CSMD3: variants seen among roughly 807,000 people sequenced by gnomAD.
CSMD3 encodes CUB and sushi domain-containing protein 3.
In CSMD3, 177 loss-of-function variants were observed where a neutral mutation model predicts 435.2. That is an observed-to-expected ratio of 0.41 (90% CI 0.36 to 0.46). The LOEUF (loss-of-function observed/expected upper bound fraction) is 0.46, where lower values mean the gene tolerates loss of function less well. Among genes scored for constraint, CSMD3 ranks in the 20% least tolerant of loss-of-function variants. The pLI is 0.34. For synonymous variants in CSMD3, 1,656 were observed against 1,520.5 expected (o/e 1.09, Z -2.07); for missense variants, 4,265 against 4,504.6 (o/e 0.95, Z 1.52).
intron 42 of CSMD3, among the ~76,000 whole-genome samples, chr8:112,340,596 T>C (rs182353647): frequency 4.6e-5 from 7 of 152,214 alleles, no homozygotes; most frequent in African/African-American, 1.2e-4. Flanking sequence ...AGAGATGTAA[T>C]AACATTTTAG....
intron 27 of CSMD3, among the ~76,000 whole-genome samples, chr8:112,524,490 G>T (rs889637899): frequency 1.3e-5 from 2 of 151,994 alleles, no homozygotes; most frequent in African/African-American, 4.8e-5. Context: ...CCAAGTACCA[G>T]GTACCGTGCC....
At chr8:112,420,428 T>A (rs1006853634) in intron 32 of CSMD3, among the ~76,000 whole-genome samples, 1 of 152,204 alleles carries the variant, frequency 6.6e-6, no homozygotes, top group Admixed American at 6.5e-5. Context: ...ATAATTTCTT[T>A]ATTTCATCAA....
chr8:112,712,910 T>C (rs1563883451), intron 13 of CSMD3, among the ~76,000 whole-genome samples: 1 of 152,084 alleles, frequency 6.6e-6, no homozygotes, highest in Non-Finnish European at 1.5e-5. Flanking sequence ...TTGGGGAAGC[T>C]GGTTATTAGT....
rs570148866 is a variant in CSMD3, at chr8:112,561,837, C to T, written c.4043-4883G>A. On this transcript the variant is annotated intron_variant, in intron 24 of 70. Transcript: ENST00000297405. ...AAAAATTCTGTGGCTTCATTTATTG[C>T]CTGGTATTGCGTTTTATCTTTATAA... Among the ~76,000 whole-genome samples, 153 of 151,504 alleles carry T rather than the reference C, an allele frequency of 1.0e-3. 2 individuals are homozygous for T. Among genetic ancestry groups the T allele is most frequent in the Non-Finnish European group, 7.8e-4 (53 of 67,694 alleles).
intron 32 of CSMD3, 98 bp downstream of exon 32, chr8:112,472,493 G>T: frequency 1.3e-6 from 1 of 773,040 alleles, no homozygotes; most frequent in Admixed American, 1.7e-5. Context: ...ATACTTTATG[G>T]ATAGCACGTA....
intron 13 of CSMD3, among the ~76,000 whole-genome samples, chr8:112,728,268 C>G (rs1001211630): frequency 2.6e-5 from 4 of 151,592 alleles, no homozygotes; most frequent in Admixed American, 2.0e-4. Flanking sequence ...ACAATAAAAA[C>G]AGAGGTAACA....
chr8:112,356,107 C>T (rs574874358), intron 38 of CSMD3, among the ~76,000 whole-genome samples: 1 of 152,138 alleles, frequency 6.6e-6, no homozygotes, highest in Non-Finnish European at 1.5e-5. Context: ...AGTTCAGCCA[C>T]TGTGGAAAAC....
chr8:113,311,292 A>T (rs1045103327), intron 2 of CSMD3: 4 of 152,142 alleles, frequency 2.6e-5, no homozygotes, highest in African/African-American at 9.6e-5. Context: ...AATAAAAAAT[A>T]ACTTACAGAA....
intron 40 of CSMD3, among the ~76,000 whole-genome samples, chr8:112,347,271 T>C (rs1444932341): frequency 1.3e-5 from 2 of 152,272 alleles, no homozygotes; most frequent in Non-Finnish European, 1.5e-5. Flanking sequence ...CAATTGCATT[T>C]TAGAAACCTA....
chr8:112,469,325 T>C (rs1258037092), intron 32 of CSMD3, among the ~76,000 whole-genome samples: 4 of 152,224 alleles, frequency 2.6e-5, no homozygotes, highest in African/African-American at 9.6e-5. Context: ...TAAAATCATG[T>C]AGATGATCTT....
At chr8:112,600,582 T>G (rs1832249594) in intron 22 of CSMD3, among the ~76,000 whole-genome samples, 1 of 152,230 alleles carries the variant, frequency 6.6e-6, no homozygotes, top group South Asian at 2.1e-4. Context: ...CAGTTTTGTT[T>G]TCATGTCTTT....
At chr8:112,593,676 G>C (rs1400414332) in intron 22 of CSMD3, among the ~76,000 whole-genome samples, 2 of 152,110 alleles carry the variant, frequency 1.3e-5, no homozygotes, top group Non-Finnish European at 2.9e-5. Context: ...CACTCAGCAA[G>C]AGAATTTAAC....
intron 27 of CSMD3, among the ~76,000 whole-genome samples, chr8:112,519,611 T>TGTCACACAAATAGAAGCATA (rs1824067999): frequency 1.3e-5 from 2 of 152,146 alleles, no homozygotes; most frequent in South Asian, 4.1e-4. Context: ...TAGAAGCATA[T>TGTCACACAAATAGAAGCATA]GTCAATAGCT....
chr8:112,335,502 A>AG, intron 44 of CSMD3, 28 bp from the exon 45 acceptor site: 1 of 1,608,194 alleles, frequency 6.2e-7, no homozygotes. Flanking sequence ...GGAAAGGAGG[A>AG]GAGATCAAGA....
intron 13 of CSMD3, among the ~76,000 whole-genome samples, chr8:112,792,373 G>A (rs72680216): frequency 3.3e-5 from 5 of 152,190 alleles, no homozygotes; most frequent in African/African-American, 7.2e-5. Context: ...CAGATGGTTC[G>A]TTTCTAGCTG....
rs199498823 is a variant in CSMD3 at position 113,335,510 on chromosome 8, G to GCT, written c.179-20719_179-20718dup. Among the ~76,000 whole-genome samples, 533 of 111,868 alleles carry GCT rather than the reference G, an allele frequency of 4.8e-3. 8 individuals carry two copies. Among genetic ancestry groups the GCT allele is most frequent in the African/African-American group, 0.018 (499 of 28,130 alleles). The allele number at this position is 111,868 out of a possible 152,430, so 73.4% of individuals were successfully genotyped here. A position where few individuals can be genotyped will look rare whatever the true frequency, so the allele number is the denominator to read the frequency against. ...TCTTTTTCTATATTTACTACTCCTTGCTCTGGATTTAGCTCTCCTCCTCCT... is the reference window on the plus strand; with the variant it reads ...TCTTTTTCTATATTTACTACTCCTTGCTCTCTGGATTTAGCTCTCCTCCTCCT... On this transcript the variant is annotated intron_variant, in intron 1 of 70. Transcript: ENST00000297405.
At chr8:112,729,315 T>C (rs546400551) in intron 13 of CSMD3, among the ~76,000 whole-genome samples, 2 of 152,166 alleles carry the variant, frequency 1.3e-5, no homozygotes, top group East Asian at 1.9e-4. Flanking sequence ...AGAGTAGTGA[T>C]AGTACCAGTT....
chr8:112,304,749 A>G lies in CSMD3; in HGVS notation c.8238T>C (p.Ser2746=), dbSNP rs761772181. ...SIECLPNGTW[S]WRNERPYCQI... is the part of the protein sequence containing the mutation. ...GGCAATATGGTCTTTCATTTCTCCA[A>G]CTCCAAGTACCATTAGGAAGACATT... The change falls in exon 52 of 71, where the codon AGT becomes AGC. Residue 2746 remains serine, a synonymous_variant. Coordinates refer to ENST00000297405, the MANE Select transcript of CSMD3 (RefSeq NM_198123.2). 1 of 1,613,792 alleles carries G rather than the reference A, an allele frequency of 6.2e-7. No homozygotes were observed. The highest frequency in any genetic ancestry group is 8.5e-7 in the Non-Finnish European group (1 of 1,179,740).
intron 1 of CSMD3, among the ~76,000 whole-genome samples, chr8:113,323,622 C>T (rs1310406731): frequency 6.6e-6 from 1 of 152,016 alleles, no homozygotes; most frequent in Non-Finnish European, 1.5e-5. Flanking sequence ...TTTCACTAAA[C>T]CAAAAACACT....
Sources: allele counts gnomAD v4.1 joint callset (sites outside exome capture counted in the v4.1 genomes callset), GRCh38; gene constraint gnomAD v4.1.1; transcripts MANE v1.5; gene names NCBI Gene and HGNC (gene_info 2026-07-23, HGNC 2026-07-21).